CHAF1B: variants seen among roughly 807,000 people sequenced by gnomAD.
The protein encoded by CHAF1B is chromatin assembly factor 1 subunit B.
A neutral mutation model predicts 60.7 loss-of-function variants in CHAF1B; 10 were observed. The observed-to-expected ratio is 0.16, with a 90% confidence interval of 0.10 to 0.28. The LOEUF (loss-of-function observed/expected upper bound fraction) is 0.28, where lower values mean the gene tolerates loss of function less well. CHAF1B is among the 10% of genes least tolerant of loss of function. The pLI, the probability that CHAF1B is intolerant of heterozygous loss-of-function variation, is 1.00. For missense variants in CHAF1B, 558 were observed against 708.4 expected, an observed-to-expected ratio of 0.79 and a Z score of 2.41; for synonymous variants, 261 against 266.1, an observed-to-expected ratio of 0.98 and a Z score of 0.19.
chr21:36,398,731 T>A (rs774604801), intron 6 of CHAF1B, among the ~76,000 whole-genome samples: 1 of 151,998 alleles, frequency 6.6e-6, no homozygotes, highest in Non-Finnish European at 1.5e-5. Flanking sequence ...AAAGAAGTCT[T>A]GTTGTCGTGT....
intron 9 of CHAF1B, 43 bp from the exon 10 acceptor site, chr21:36,409,331 T>C: frequency 3.3e-6 from 5 of 1,508,770 alleles, no homozygotes; most frequent in Non-Finnish European, 4.6e-6. Context: ...TTGCTTTTGC[T>C]TAGTCACAGT....
chr21:36,391,051 C>A (rs1221248060), intron 3 of CHAF1B, among the ~76,000 whole-genome samples: 1 of 152,160 alleles, frequency 6.6e-6, no homozygotes, highest in East Asian at 1.9e-4. Context: ...AACCCTTGCA[C>A]TGAGGGTTCT....
chr21:36,409,257 TC>T, intron 9 of CHAF1B, 116 bp from the exon 10 acceptor site: 3 of 569,086 alleles, frequency 5.3e-6, no homozygotes, highest in Non-Finnish European at 9.3e-6. Context: ...TGCCTCCTCC[TC>T]CCAAAGTGCT....
At position 36,413,305 on chromosome 21, in the gene CHAF1B, A is replaced by G. The variant is rs749786288; in HGVS notation, c.1483A>G (p.Thr495Ala). 1.3e-6 allele frequency: 2 copies of G among 1,572,690 alleles called. No homozygotes were observed. The highest frequency in any genetic ancestry group is 1.7e-6 in the Non-Finnish European group (2 of 1,161,648). Residue 495 changes from threonine to alanine, a missense_variant, in exon 12 of 14, where the codon ACA (threonine) becomes GCA (alanine). Physicochemically the swap from Thr to Ala is moderately conservative, Grantham distance 58. Around this residue, in one of 2 missense-constraint regions of CHAF1B, gnomAD observed 233 missense variants for 214.9 expected, o/e 1.08. Transcript: ENST00000314103. ...TLNTLQAWSK[T>A]TPRRINLTPL... is the part of the protein sequence containing the mutation. Reference sequence around the variant, plus strand: ...GAACACACTGCAAGCCTGGAGCAAGACAACACCCCGGTAAGAACTTGTTGG... The same window carrying G: ...GAACACACTGCAAGCCTGGAGCAAGGCAACACCCCGGTAAGAACTTGTTGG...
intron 12 of CHAF1B, among the ~76,000 whole-genome samples, chr21:36,413,593 C>G (rs1307961047): frequency 1.3e-5 from 2 of 152,336 alleles, no homozygotes; most frequent in East Asian, 1.9e-4. Context: ...TGGCCACTCT[C>G]TCTCCTGAGT....
chr21:36,402,818 T>G lies in CHAF1B; in HGVS notation c.724T>G (p.Phe242Val). 6.2e-7 allele frequency: 1 copy of G among 1,614,068 alleles called. No homozygotes were observed. The highest frequency in any genetic ancestry group is 8.5e-7 in the Non-Finnish European group (1 of 1,179,972). ...GAAGTCTTTCTTCCGTAGACTGAGT[T>G]TCACTCCCGACGGATCTTTGCTTCT... ...SMKSFFRRLS[F>V]TPDGSLLLTP... Residue 242 changes from phenylalanine to valine, a missense_variant, in exon 8 of 14, where the codon TTC becomes GTC. Physicochemically the swap from Phe to Val is conservative, Grantham distance 50. Transcript: ENST00000314103.
rs770924488 is a variant in CHAF1B, at chr21:36,409,359, C to A, written c.828-15C>A. ...GTCACAGTGCCTTTTCCTAACACTGCAATTAATCCATTAGGCCCATCGCTC... is the reference window on the plus strand; with the variant it reads ...GTCACAGTGCCTTTTCCTAACACTGAAATTAATCCATTAGGCCCATCGCTC... On this transcript the variant is annotated splice_polypyrimidine_tract_variant and intron_variant, in intron 9 of 13. Coordinates refer to ENST00000314103, the MANE Select transcript of CHAF1B (RefSeq NM_005441.3). 5 of 1,601,752 alleles carry A rather than the reference C, an allele frequency of 3.1e-6. No homozygotes were observed. The South Asian group carries it at 3.3e-5, about 11-fold the overall frequency.
At chr21:36,411,350 G>A (rs2086276689) in intron 10 of CHAF1B, 113 bp from the exon 11 acceptor site, 1 of 1,277,348 alleles carries the variant, frequency 7.8e-7, no homozygotes, top group South Asian at 1.4e-5. Context: ...CTGAGCTCAA[G>A]TGATCCACCC....
At position 36,413,204 on chromosome 21, in the gene CHAF1B, C is replaced by T. The variant is rs368621019; in HGVS notation, c.1382C>T (p.Pro461Leu). ...ACTCCTGCTGTCAAAAGCCCCTTGCCGGGGCCTTCGGAGGAGAAGACCCTG... is the reference window on the plus strand; with the variant it reads ...ACTCCTGCTGTCAAAAGCCCCTTGCTGGGGCCTTCGGAGGAGAAGACCCTG... ...SITPAVKSPLPGPSEEKTLQP... is the reference protein window; with the variant it reads ...SITPAVKSPLLGPSEEKTLQP... The change falls in exon 12 of 14, where the codon CCG becomes CTG. Residue 461 changes from proline (P) to leucine (L), a missense_variant. Pro to Leu is a moderately conservative substitution (Grantham distance 98). This residue lies in a region of CHAF1B where 233 missense variants were observed against 214.9 expected (regional missense o/e 1.08). Coordinates refer to ENST00000314103, the MANE Select transcript of CHAF1B (RefSeq NM_005441.3). 39 of 1,613,976 alleles carry T rather than the reference C, an allele frequency of 2.4e-5. 1 individual carries two copies. The highest frequency in any genetic ancestry group is 6.7e-5 in the African/African-American group (5 of 74,888).
intron 7 of CHAF1B, among the ~76,000 whole-genome samples, chr21:36,402,344 A>ATTT (rs1262401678): frequency 2.0e-5 from 3 of 152,256 alleles, no homozygotes; most frequent in Admixed American, 1.3e-4. Flanking sequence ...ATTCTAATGA[A>ATTT]TCCACACAGA....
intron 7 of CHAF1B, 44 bp from the exon 8 acceptor site, chr21:36,402,714 A>T: frequency 6.6e-7 from 1 of 1,523,318 alleles, no homozygotes; most frequent in East Asian, 2.2e-5. Flanking sequence ...TGTGTGTAGA[A>T]AACAAACAAA....
In CHAF1B at chr21:36,411,587, C is replaced by T; in HGVS notation, c.1044C>T (p.Thr348=). 3.1e-6 allele frequency: 5 copies of T among 1,614,010 alleles called. No individual in the cohort carries two copies. The highest frequency in any genetic ancestry group is 4.2e-6 in the Non-Finnish European group (5 of 1,179,998). Residue 348 remains threonine (T), a synonymous_variant, in exon 11 of 14, where the codon ACC becomes ACT. Transcript: ENST00000314103. ...FGYVSNIHYH[T]LSDISWSSDG... ...ACGTGTCTAATATACATTACCACAC[C>T]CTCAGTGACATTTCATGGTGAGTGG... is the stretch of plus-strand genomic sequence containing the variant.
chr21:36,410,464 C>CT (rs1274007366), intron 10 of CHAF1B, among the ~76,000 whole-genome samples: 3 of 152,014 alleles, frequency 2.0e-5, no homozygotes, highest in Admixed American at 6.6e-5. Flanking sequence ...ATACTACTTA[C>CT]TTTTTTTGTT....
chr21:36,402,844 C>T lies in CHAF1B; in HGVS notation c.750C>T (p.Leu250=), dbSNP rs750325132. The T allele has an allele frequency of 2.5e-6, 4 of 1,613,316 alleles. No individual in the cohort carries two copies. Among genetic ancestry groups the T allele is most frequent in the African/African-American group, 2.7e-5 (2 of 74,922 alleles). The change falls in exon 8 of 14, where the codon CTC becomes CTT. Residue 250 remains leucine (L), a synonymous_variant. Transcript: ENST00000314103. ...TCACTCCCGACGGATCTTTGCTTCTCACGCCAGGTGTGTTTCGTAGCTTTG... is the reference window on the plus strand; with the variant it reads ...TCACTCCCGACGGATCTTTGCTTCTTACGCCAGGTGTGTTTCGTAGCTTTG... The part of the protein sequence containing the change: ...LSFTPDGSLL[L]TPAGCVESGE...
intron 2 of CHAF1B, among the ~76,000 whole-genome samples, chr21:36,387,224 G>GT (rs61437805): frequency 0.012 from 1,617 of 131,418 alleles, 27 homozygotes; most frequent in Middle Eastern, 0.043. Context: ...GCATAGTTTT[G>GT]TTTTTTTTTT....
chr21:36,415,573 G>C (rs1601571315), intron 13 of CHAF1B, among the ~76,000 whole-genome samples, 184 bp downstream of exon 13: 2 of 152,120 alleles, frequency 1.3e-5, no homozygotes, highest in African/African-American at 4.8e-5. Context: ...CCTGGCCAGT[G>C]AGAGCATCCT....
At chr21:36,404,471 G>T (rs1369529066) in intron 8 of CHAF1B, among the ~76,000 whole-genome samples, 1 of 141,140 alleles carries the variant, frequency 7.1e-6, no homozygotes, top group Admixed American at 7.3e-5. Flanking sequence ...TTTCGCTCTT[G>T]TTACCCAGGC....
In CHAF1B at chr21:36,387,687, G is replaced by A. The variant is rs1287371767; in HGVS notation, c.216G>A (p.Val72=). The A allele has an allele frequency of 6.2e-7, 1 of 1,614,176 alleles. No individual in the cohort carries two copies. Among genetic ancestry groups the A allele is most frequent in the South Asian group, 1.1e-5 (1 of 91,084 alleles). The change falls in exon 3 of 14, where the codon GTG becomes GTA. Residue 72 remains valine, a synonymous_variant. Coordinates refer to ENST00000314103, the MANE Select transcript of CHAF1B (RefSeq NM_005441.3). The stretch of plus-strand genomic sequence containing the variant: ...GTCATACCAAAGCCGTCAATGTTGT[G>A]CGTTTTTCTCCAACTGGGGAAATTT... ...LARHTKAVNV[V]RFSPTGEILA... is the part of the protein sequence containing the mutation.
chr21:36,395,986 C>G (rs1198649866), intron 5 of CHAF1B, among the ~76,000 whole-genome samples: 1 of 150,962 alleles, frequency 6.6e-6, no homozygotes, highest in Non-Finnish European at 1.5e-5. Flanking sequence ...ATCCTCCGTT[C>G]TGTCTTGTTT....
Sources: allele counts gnomAD v4.1 joint callset (sites outside exome capture counted in the v4.1 genomes callset), GRCh38; gene constraint gnomAD v4.1.1; regional missense constraint gnomAD v4.1.1; transcripts MANE v1.5; gene names NCBI Gene and HGNC (gene_info 2026-07-23, HGNC 2026-07-21).